The following NCOA2 variants were observed in gnomAD, a reference collection of about 807,000 sequenced individuals.
NCOA2 encodes class E basic helix-loop-helix protein 75.
Under a neutral mutation model 145.1 loss-of-function variants are expected in NCOA2, and 21 were observed. The observed-to-expected ratio is 0.14, with a 90% confidence interval of 0.10 to 0.21. The LOEUF (loss-of-function observed/expected upper bound fraction) is 0.21, where lower values mean the gene tolerates loss of function less well. Ranked by LOEUF, NCOA2 falls within the 10% of genes least tolerant of loss-of-function variation. The pLI is 1.00. For synonymous variants in NCOA2, 619 were observed against 637.5 expected (o/e 0.97, Z 0.44); for missense variants, 1,472 against 1,837.6 (o/e 0.80, Z 3.64).
At chr8:70,383,208 T>C (rs1230433125) in intron 1 of NCOA2, among the ~76,000 whole-genome samples, 1 of 151,816 alleles carries the variant, frequency 6.6e-6, no homozygotes. Context: ...GGCTAGATAG[T>C]GGATGGGGCT....
chr8:70,162,880 C>A, intron 8 of NCOA2, 26 bp from the exon 9 acceptor site: 4 of 1,545,930 alleles, frequency 2.6e-6, no homozygotes, highest in Non-Finnish European at 3.5e-6. Context: ...AGGCATTATA[C>A]CTACATGTTG....
rs747062852 is a variant in NCOA2 at position 70,141,382 on chromosome 8, C to T, written c.2830G>A (p.Ala944Thr). Residue 944 changes from alanine (A) to threonine (T), a missense_variant, in exon 14 of 23, where the codon GCT becomes ACT. Around this residue, in one of 4 missense-constraint regions of NCOA2, gnomAD observed 953 missense variants for 1,062.1 expected, o/e 0.90. Transcript: ENST00000452400. The stretch of plus-strand genomic sequence containing the variant: ...CCAGATGGCATAGTAGGCCGAGAAG[C>T]ACTGTTACCAATCATTCCTGCATGC... ...NSSTGMIGNS[A>T]SRPTMPSGEW... The T allele has an allele frequency of 1.9e-6, 3 of 1,613,662 alleles. No individual in the cohort carries two copies. Among genetic ancestry groups the T allele is most frequent in the African/African-American group, 1.3e-5 (1 of 74,930 alleles).
chr8:70,221,207 C>T (rs140195142), intron 2 of NCOA2, among the ~76,000 whole-genome samples: 2 of 152,268 alleles, frequency 1.3e-5, no homozygotes, highest in African/African-American at 4.8e-5. Flanking sequence ...CCAAGAAATG[C>T]TCAAGCAATA....
intron 1 of NCOA2, among the ~76,000 whole-genome samples, chr8:70,388,141 C>T (rs1011316366): frequency 2.0e-5 from 3 of 150,666 alleles, no homozygotes; most frequent in South Asian, 4.1e-4. Context: ...ATAGAACTCC[C>T]TGATTCAGAA....
At chr8:70,128,643 T>C in intron 17 of NCOA2, 59 bp downstream of exon 17, 1 of 1,600,182 alleles carries the variant, frequency 6.2e-7, no homozygotes, top group Admixed American at 1.7e-5. Flanking sequence ...TCTCACATCA[T>C]CTTCCCCATG....
At chr8:70,320,145 T>C (rs905347074) in intron 1 of NCOA2, among the ~76,000 whole-genome samples, 4 of 152,190 alleles carry the variant, frequency 2.6e-5, no homozygotes, top group Non-Finnish European at 5.9e-5. Context: ...CTCATTTCTA[T>C]GTAAGTTAAA....
chr8:70,394,262 T>C (rs1169521974), intron 1 of NCOA2, among the ~76,000 whole-genome samples: 2 of 152,110 alleles, frequency 1.3e-5, no homozygotes, highest in Admixed American at 1.3e-4. Context: ...TTCAAGCAAT[T>C]CTCCTGCCTC....
At chr8:70,243,817 G>A (rs1822375994) in intron 2 of NCOA2, among the ~76,000 whole-genome samples, 1 of 150,300 alleles carries the variant, frequency 6.7e-6, no homozygotes, top group Non-Finnish European at 1.5e-5. Flanking sequence ...AAGAATGTGG[G>A]AGAATACGAT....
chr8:70,198,554 T>C (rs1280565535), intron 4 of NCOA2, among the ~76,000 whole-genome samples: 1 of 152,108 alleles, frequency 6.6e-6, no homozygotes, highest in African/African-American at 2.4e-5. Flanking sequence ...GGGGATGGAT[T>C]ATAGAAGGTA....
intron 7 of NCOA2, 134 bp from the exon 8 acceptor site, chr8:70,163,700 G>A (rs1306747804): frequency 1.6e-5 from 10 of 641,242 alleles, no homozygotes; most frequent in Admixed American, 2.9e-5. Flanking sequence ...CTATGTACCT[G>A]AGCTTCCTAC....
intron 2 of NCOA2, among the ~76,000 whole-genome samples, chr8:70,267,091 C>T (rs1586308590): frequency 6.6e-6 from 1 of 152,246 alleles, no homozygotes; most frequent in Non-Finnish European, 1.5e-5. Flanking sequence ...TACATCTATA[C>T]AAGAACAATG....
intron 1 of NCOA2, among the ~76,000 whole-genome samples, chr8:70,346,273 G>A (rs1339171041): frequency 6.6e-6 from 1 of 152,184 alleles, no homozygotes; most frequent in East Asian, 1.9e-4. Context: ...CACCGAACCT[G>A]CTATCCTGAC....
the NCOA2 span, among the ~76,000 whole-genome samples, chr8:70,451,773 C>T: frequency 1.3e-5 from 2 of 152,122 alleles, no homozygotes; most frequent in Non-Finnish European, 2.9e-5. Context: ...TCCTGTTTTG[C>T]TTGAAACTGT....
At chr8:70,138,630 G>C (rs1195399454) in intron 14 of NCOA2, among the ~76,000 whole-genome samples, 1 of 152,092 alleles carries the variant, frequency 6.6e-6, no homozygotes, top group Admixed American at 6.5e-5. Flanking sequence ...TACTGTACTG[G>C]AAATTGAAAT....
the NCOA2 span, among the ~76,000 whole-genome samples, chr8:70,425,359 T>C: frequency 2.0e-5 from 3 of 152,142 alleles, no homozygotes; most frequent in African/African-American, 7.2e-5. Flanking sequence ...TCTTTAGTGG[T>C]GACTCCTGAG....
chr8:70,226,282 GGAAA>G (rs747842808), intron 2 of NCOA2, among the ~76,000 whole-genome samples: 1 of 151,898 alleles, frequency 6.6e-6, no homozygotes, highest in Non-Finnish European at 1.5e-5. Flanking sequence ...GAGGGAGAGA[GGAAA>G]GAAAGAAAGA....
At chr8:70,314,955 T>G (rs1805471613) in intron 1 of NCOA2, among the ~76,000 whole-genome samples, 1 of 152,220 alleles carries the variant, frequency 6.6e-6, no homozygotes, top group Non-Finnish European at 1.5e-5. Flanking sequence ...CACTCCTACA[T>G]ATCTGAGCCT....
At chr8:70,214,701 AG>A (rs1819414081) in intron 3 of NCOA2, among the ~76,000 whole-genome samples, 1 of 152,198 alleles carries the variant, frequency 6.6e-6, no homozygotes, top group Non-Finnish European at 1.5e-5. Flanking sequence ...ATAAACAAAC[AG>A]TCCAATTTCA....
chr8:70,208,722 T>C (rs905802611), intron 4 of NCOA2, among the ~76,000 whole-genome samples: 4 of 152,234 alleles, frequency 2.6e-5, no homozygotes, highest in Non-Finnish European at 5.9e-5. Context: ...AAAGACTGAA[T>C]GTCAGCACAT....
Sources: gnomAD v4.1 joint callset for allele counts (sites outside exome capture counted in the v4.1 genomes callset) on GRCh38, gnomAD v4.1.1 for gene constraint, gnomAD v4.1.1 regional missense constraint, MANE v1.5 for transcripts, NCBI Gene and HGNC (gene_info 2026-07-23, HGNC 2026-07-21) for gene names.